AGTPBP1: variants seen among roughly 807,000 people sequenced by gnomAD.
AGTPBP1 encodes cytosolic carboxypeptidase 1.
A neutral mutation model predicts 143.9 loss-of-function variants in AGTPBP1; 70 were observed. The observed-to-expected ratio is 0.49, with a 90% CI of 0.40 to 0.59. AGTPBP1 has a LOEUF of 0.59. Ranked by LOEUF, AGTPBP1 falls within the 20% of genes least tolerant of loss-of-function variation. AGTPBP1 has a pLI of 0.00. For missense variants in AGTPBP1, 1,229 were observed against 1,464.5 expected (o/e 0.84, Z 2.62); for synonymous variants, 463 against 500.2 (o/e 0.93, Z 0.99).
At chr9:85,781,932 G>A in the AGTPBP1 span, among the ~76,000 whole-genome samples, 4 of 152,078 alleles carry the variant, frequency 2.6e-5, no homozygotes, top group Admixed American at 1.3e-4. Flanking sequence ...GTAATATATT[G>A]CGATGATTAA....
intron 25 of AGTPBP1, among the ~76,000 whole-genome samples, chr9:85,562,547 G>A (rs1003610768): frequency 6.6e-6 from 1 of 152,134 alleles, no homozygotes; most frequent in African/African-American, 2.4e-5. Flanking sequence ...TAGATTAGTA[G>A]TTTTAAGCTC....
the AGTPBP1 span, among the ~76,000 whole-genome samples, chr9:85,757,022 G>A: frequency 2.3e-4 from 35 of 152,160 alleles, no homozygotes; most frequent in Middle Eastern, 3.4e-3. Context: ...TGAAGAAAAT[G>A]TAAAATTGAT....
intron 1 of AGTPBP1, among the ~76,000 whole-genome samples, chr9:85,737,435 T>C (rs1290810895): frequency 6.6e-6 from 1 of 152,204 alleles, no homozygotes; most frequent in Non-Finnish European, 1.5e-5. Context: ...AGTAAACAAG[T>C]CACATTTGTT....
At chr9:85,789,222 C>A in the AGTPBP1 span, among the ~76,000 whole-genome samples, 1 of 151,994 alleles carries the variant, frequency 6.6e-6, no homozygotes, top group East Asian at 1.9e-4. Context: ...TAAATAACGT[C>A]GTGAATAATA....
chr9:85,725,383 T>C (rs75656235), intron 1 of AGTPBP1, among the ~76,000 whole-genome samples: 4,844 of 152,244 alleles, frequency 0.032, 100 homozygotes, highest in African/African-American at 0.053. Context: ...TCATTAACAA[T>C]TGTGTTAGAA....
At chr9:85,789,715 T>G in the AGTPBP1 span, among the ~76,000 whole-genome samples, 1 of 152,196 alleles carries the variant, frequency 6.6e-6, no homozygotes, top group Non-Finnish European at 1.5e-5. Flanking sequence ...ATGATCTTCA[T>G]TAATTGTGGA....
At chr9:85,627,810 A>G (rs1178817608) in intron 14 of AGTPBP1, among the ~76,000 whole-genome samples, 1 of 152,254 alleles carries the variant, frequency 6.6e-6, no homozygotes, top group Non-Finnish European at 1.5e-5. Flanking sequence ...TTTCTTAATA[A>G]CATTTTCTTT....
intron 1 of AGTPBP1, among the ~76,000 whole-genome samples, chr9:85,723,084 T>C (rs1035730793): frequency 2.0e-5 from 3 of 152,172 alleles, no homozygotes; most frequent in Admixed American, 6.5e-5. Context: ...AGGAGGTGTC[T>C]GTCAGCCCCT....
rs1835649393 is a variant in AGTPBP1, at chr9:85,688,649, T to TTTCTA, written c.157+4039_157+4040insTAGAA. On this transcript the variant is annotated intron_variant, in intron 3 of 25. Coordinates refer to ENST00000357081, the MANE Select transcript of AGTPBP1 (RefSeq NM_001330701.2). ...AACAAATTAACCATTTGCATGAAAG[T>TTTCTA]GGATAATAGAAATGTTTCTAGGAAA... is the stretch of plus-strand genomic sequence containing the variant. Among the ~76,000 whole-genome samples, 9 of 152,294 alleles carry TTTCTA rather than the reference T, an allele frequency of 5.9e-5. No homozygotes were observed. The South Asian group carries it at 1.9e-3, about 32-fold the overall frequency.
intron 7 of AGTPBP1, among the ~76,000 whole-genome samples, chr9:85,672,227 C>T (rs1397100289): frequency 6.6e-6 from 1 of 152,086 alleles, no homozygotes; most frequent in Non-Finnish European, 1.5e-5. Context: ...CACCACCATG[C>T]CCAGCTAATT....
chr9:85,646,949 T>A (rs537859877), intron 11 of AGTPBP1, among the ~76,000 whole-genome samples: 2,562 of 151,524 alleles, frequency 0.017, 34 homozygotes, highest in Middle Eastern at 0.038. Flanking sequence ...AAAAAAAAAA[T>A]TACACACACA....
chr9:85,759,920 A>G, the AGTPBP1 span, among the ~76,000 whole-genome samples: 1 of 152,212 alleles, frequency 6.6e-6, no homozygotes, highest in East Asian at 1.9e-4. Flanking sequence ...GATGCAATAA[A>G]AAATGATAAA....
intron 19 of AGTPBP1, among the ~76,000 whole-genome samples, chr9:85,591,864 T>G (rs911413353): frequency 6.6e-6 from 1 of 152,166 alleles, no homozygotes; most frequent in Non-Finnish European, 1.5e-5. Context: ...CTTCATGATC[T>G]TTGACATTAG....
At chr9:85,731,843 G>C (rs929177137) in intron 1 of AGTPBP1, among the ~76,000 whole-genome samples, 1 of 152,132 alleles carries the variant, frequency 6.6e-6, no homozygotes, top group African/African-American at 2.4e-5. Context: ...GTATGGGTAA[G>C]AGTAAATCTA....
chr9:85,662,785 C>T (rs896297365), intron 8 of AGTPBP1, among the ~76,000 whole-genome samples: 1 of 152,150 alleles, frequency 6.6e-6, no homozygotes, highest in African/African-American at 2.4e-5. Context: ...ATTATGCAAT[C>T]AGAAATGTCA....
chr9:85,770,550 T>A, the AGTPBP1 span: 1 of 844,934 alleles, frequency 1.2e-6, no homozygotes. Flanking sequence ...GCATACATCC[T>A]ATATTTATTT....
chr9:85,777,377 G>T, the AGTPBP1 span, among the ~76,000 whole-genome samples: 1 of 152,320 alleles, frequency 6.6e-6, no homozygotes, highest in East Asian at 1.9e-4. Context: ...TCACCCTGAG[G>T]AATGGTGCCA....
intron 3 of AGTPBP1, among the ~76,000 whole-genome samples, chr9:85,689,571 C>T (rs1835706394): frequency 6.6e-6 from 1 of 152,084 alleles, no homozygotes; most frequent in African/African-American, 2.4e-5. Flanking sequence ...TCTCTATACT[C>T]TCTCTAACTA....
At chr9:85,804,716 T>G in the AGTPBP1 span, among the ~76,000 whole-genome samples, 4 of 152,176 alleles carry the variant, frequency 2.6e-5, no homozygotes, top group African/African-American at 9.7e-5. Flanking sequence ...GCCTGTAAAA[T>G]TAGTCCACTA....
Sources: gnomAD v4.1 joint callset for allele counts (sites outside exome capture counted in the v4.1 genomes callset) on GRCh38, gnomAD v4.1.1 for gene constraint, MANE v1.5 for transcripts, NCBI Gene and HGNC (gene_info 2026-07-23, HGNC 2026-07-21) for gene names.